SPON1: variants seen among roughly 807,000 people sequenced by gnomAD.
SPON1 encodes the protein spondin-1.
A neutral mutation model predicts 111.7 loss-of-function variants in SPON1; 52 were observed. That is an observed-to-expected ratio of 0.47 (90% CI 0.37 to 0.59). SPON1 has a LOEUF of 0.59. Ranked by LOEUF, SPON1 falls within the 20% of genes least tolerant of loss-of-function variation. SPON1 has a pLI of 0.00. For synonymous variants in SPON1, 410 were observed against 395.8 expected, an observed-to-expected ratio of 1.04 and a Z score of -0.43; for missense variants, 957 against 1,068.5, an observed-to-expected ratio of 0.90 and a Z score of 1.46.
intron 5 of SPON1, among the ~76,000 whole-genome samples, chr11:14,103,934 A>C (rs1379046088): frequency 6.6e-6 from 1 of 152,108 alleles, no homozygotes; most frequent in African/African-American, 2.4e-5. Context: ...TTTGATTTTT[A>C]TAAGGGATTT....
chr11:14,167,256 A>G (rs1432519979), intron 6 of SPON1, among the ~76,000 whole-genome samples: 1 of 152,154 alleles, frequency 6.6e-6, no homozygotes, highest in Non-Finnish European at 1.5e-5. Flanking sequence ...ATATTAGGCT[A>G]GAAAGAGACA....
chr11:13,986,239 A>G (rs12286719), intron 2 of SPON1, among the ~76,000 whole-genome samples: 7,195 of 152,296 alleles, frequency 0.047, 558 homozygotes, highest in African/African-American at 0.16. Flanking sequence ...ACAATCAGAA[A>G]GAACAAATGC....
intron 5 of SPON1, among the ~76,000 whole-genome samples, chr11:14,121,857 T>C (rs1847392162): frequency 6.6e-6 from 1 of 152,072 alleles, no homozygotes; most frequent in South Asian, 2.1e-4. Flanking sequence ...TTTTGAAGGA[T>C]ATCTTTGCAA....
intron 6 of SPON1, among the ~76,000 whole-genome samples, chr11:14,145,071 A>T (rs1847702614): frequency 6.6e-6 from 1 of 152,194 alleles, no homozygotes; most frequent in South Asian, 2.1e-4. Context: ...TCAAATAAAG[A>T]TTCTGTCACA....
intron 6 of SPON1, among the ~76,000 whole-genome samples, chr11:14,170,543 G>T (rs1366769064): frequency 6.6e-6 from 1 of 152,076 alleles, no homozygotes; most frequent in African/African-American, 2.4e-5. Context: ...TTGAATAGGA[G>T]TGGTGAGATA....
At chr11:13,983,896 T>C (rs968157031) in intron 2 of SPON1, among the ~76,000 whole-genome samples, 1 of 152,232 alleles carries the variant, frequency 6.6e-6, no homozygotes, top group Admixed American at 6.5e-5. Context: ...TGGAGGACCC[T>C]GACCCAAATA....
chr11:13,987,053 A>G (rs1312557969), intron 2 of SPON1, among the ~76,000 whole-genome samples: 1 of 152,358 alleles, frequency 6.6e-6, no homozygotes, highest in South Asian at 2.1e-4. Flanking sequence ...TAGTATAATG[A>G]TTTATAATCC....
At chr11:13,975,656 G>A (rs782395429) in intron 1 of SPON1, among the ~76,000 whole-genome samples, 10 of 152,126 alleles carry the variant, frequency 6.6e-5, no homozygotes, top group Admixed American at 1.3e-4. Flanking sequence ...AGTGTCATGG[G>A]CTGTAGGAAG....
At chr11:14,199,494 T>C (rs1465577499) in intron 6 of SPON1, among the ~76,000 whole-genome samples, 2 of 152,060 alleles carry the variant, frequency 1.3e-5, no homozygotes, top group South Asian at 4.2e-4. Context: ...TCATCACCTC[T>C]TGCCTTGACT....
intron 5 of SPON1, among the ~76,000 whole-genome samples, chr11:14,086,660 G>A (rs1554922662): frequency 1.3e-5 from 2 of 152,124 alleles, no homozygotes; most frequent in East Asian, 3.8e-4. Flanking sequence ...GCTGGCCTCA[G>A]AAAATGAGTT....
chr11:14,135,534 C>T lies in SPON1; in HGVS notation c.791C>T (p.Ser264Leu). Residue 264 changes from serine to leucine, a missense_variant, in exon 6 of 16, where the codon TCA becomes TTA. Around this residue, in one of 5 missense-constraint regions of SPON1, gnomAD observed 122 missense variants for 143.2 expected, o/e 0.85. Transcript: ENST00000576479. The surrounding 1 kb of genome is among the most constrained non-coding windows in gnomAD (Gnocchi z 4.4). ...EGVKQVAELG[S>L]PVKMEEEIRQ... ...GTCAAACAAGTTGCAGAATTGGGCT[C>T]ACCCGTGAAAATGGAGGAAGAAATT... 6.2e-7 allele frequency: 1 copy of T among 1,613,750 alleles called. No individual in the cohort carries two copies. Among genetic ancestry groups the T allele is most frequent in the East Asian group, 2.2e-5 (1 of 44,882 alleles).
chr11:14,023,975 C>T (rs1478883005), intron 2 of SPON1, among the ~76,000 whole-genome samples: 1 of 150,174 alleles, frequency 6.7e-6, no homozygotes, highest in African/African-American at 2.5e-5. Context: ...GCACTCCAGC[C>T]TCGGTGACAG....
At chr11:14,185,561 A>G (rs1848277482) in intron 6 of SPON1, among the ~76,000 whole-genome samples, 1 of 152,274 alleles carries the variant, frequency 6.6e-6, no homozygotes, top group Non-Finnish European at 1.5e-5. Context: ...AAAATGGATT[A>G]TACATAGTTT....
intron 2 of SPON1, among the ~76,000 whole-genome samples, chr11:14,036,825 G>C (rs1848597869): frequency 6.6e-6 from 1 of 152,002 alleles, no homozygotes; most frequent in Non-Finnish European, 1.5e-5. Context: ...GTTGGGGGAG[G>C]GCACCAAGAA....
intron 6 of SPON1, among the ~76,000 whole-genome samples, chr11:14,221,364 G>A (rs1554937565): frequency 1.3e-5 from 2 of 152,310 alleles, no homozygotes; most frequent in East Asian, 3.9e-4. Context: ...AGAAACTGAG[G>A]TTCAGACAGG....
intron 6 of SPON1, among the ~76,000 whole-genome samples, chr11:14,143,975 A>G (rs1157611410): frequency 6.6e-6 from 1 of 152,236 alleles, no homozygotes; most frequent in African/African-American, 2.4e-5. Flanking sequence ...ATTGTTACTT[A>G]AGAACCATGA....
At chr11:14,229,397 A>G (rs1848771415) in intron 6 of SPON1, among the ~76,000 whole-genome samples, 2 of 152,240 alleles carry the variant, frequency 1.3e-5, no homozygotes, top group African/African-American at 4.8e-5. Flanking sequence ...ATGCAAAAGC[A>G]TGAGCCTTTG....
At chr11:14,124,928 C>G (rs1847437581) in intron 5 of SPON1, among the ~76,000 whole-genome samples, 2 of 152,062 alleles carry the variant, frequency 1.3e-5, no homozygotes, top group African/African-American at 4.8e-5. Flanking sequence ...TTCCTTGAGG[C>G]CCTAGGGAAG....
chr11:14,071,992 C>A (rs1554920966), intron 3 of SPON1, among the ~76,000 whole-genome samples: 2 of 152,316 alleles, frequency 1.3e-5, no homozygotes, highest in African/African-American at 4.8e-5. Flanking sequence ...AGCCACAGCA[C>A]CTGGCCCCAT....
Sources: gnomAD v4.1 joint callset for allele counts (sites outside exome capture counted in the v4.1 genomes callset) on GRCh38, gnomAD v4.1.1 for gene constraint, gnomAD v4.1.1 regional missense constraint, Gnocchi (gnomAD v3.1) non-coding constraint, MANE v1.5 for transcripts, NCBI Gene and HGNC (gene_info 2026-07-23, HGNC 2026-07-21) for gene names.